Variants in CMPK1 observed in about 807,000 individuals in gnomAD.
CMPK1 encodes the protein UMP-CMP kinase.
Under a neutral mutation model 25.7 loss-of-function variants are expected in CMPK1, and 10 were observed. That is an observed-to-expected ratio of 0.39 (90% confidence interval 0.24 to 0.66). The LOEUF is 0.66. Ranked by LOEUF, CMPK1 falls within the 30% of genes least tolerant of loss-of-function variation. The pLI, the probability that CMPK1 is intolerant of heterozygous loss-of-function variation, is 0.48. For missense variants in CMPK1, 199 were observed against 280.5 expected, an observed-to-expected ratio of 0.71 and a Z score of 2.08; for synonymous variants, 106 against 101.5, an observed-to-expected ratio of 1.04 and a Z score of -0.27.
rs536172148 is a variant in CMPK1, at chr1:47,374,795, T to C, written c.472-114T>C. ...CATGTTGATTAATGAATTAGACACA[T>C]TGGGTTTATTGCAGGGTTTTTTTGG... On this transcript the variant is annotated intron_variant, in intron 3 of 5. Transcript: ENST00000371873. 7.4e-5 allele frequency: 48 copies of C among 650,528 alleles called. 2 individuals are homozygous for C. In the South Asian group the frequency reaches 9.3e-4, roughly 13 times the overall value. The allele number at this position is 650,528 out of a possible 1,614,324, so 40.3% of individuals were successfully genotyped here.
intron 1 of CMPK1, among the ~76,000 whole-genome samples, chr1:47,348,406 A>G (rs1646499941): frequency 6.6e-6 from 1 of 151,888 alleles, no homozygotes; most frequent in Non-Finnish European, 1.5e-5. Context: ...TACAGACTAA[A>G]CATGTGATAA....
chr1:47,364,775 T>A (rs1163126704), intron 1 of CMPK1, among the ~76,000 whole-genome samples: 2 of 150,946 alleles, frequency 1.3e-5, no homozygotes, highest in Non-Finnish European at 2.9e-5. Context: ...TATATATGTT[T>A]TGTTTTGTTT....
chr1:47,346,303 C>A (rs1646483562), intron 1 of CMPK1, among the ~76,000 whole-genome samples: 1 of 151,602 alleles, frequency 6.6e-6, no homozygotes, highest in African/African-American at 2.4e-5. Flanking sequence ...CAGCCTCAGC[C>A]TCCCAAAGTG....
chr1:47,350,469 C>T (rs1207812668), intron 1 of CMPK1, among the ~76,000 whole-genome samples: 2 of 152,054 alleles, frequency 1.3e-5, no homozygotes, highest in Non-Finnish European at 2.9e-5. Flanking sequence ...CTAGGCTGGT[C>T]TTGAACTCTT....
chr1:47,362,187 G>A (rs1470813380), intron 1 of CMPK1, among the ~76,000 whole-genome samples: 1 of 44,604 alleles, frequency 2.2e-5, no homozygotes, highest in Non-Finnish European at 3.9e-5. Flanking sequence ...TTTTTTTTTC[G>A]AGACGGAGTT....
intron 1 of CMPK1, among the ~76,000 whole-genome samples, chr1:47,340,003 C>T (rs955029215): frequency 3.3e-5 from 5 of 151,098 alleles, no homozygotes; most frequent in South Asian, 4.2e-4. Flanking sequence ...CCACCGCATC[C>T]GGCTGCCCTC....
At position 47,373,112 on chromosome 1, in the gene CMPK1, T is replaced by C; in HGVS notation, c.471+5T>C. On this transcript the variant is annotated splice_donor_5th_base_variant and intron_variant, in intron 3 of 5. Transcript: ENST00000371873. ...TTTTTTGACTGTAATAATGAGGTAA[T>C]GAAAATCTTCATCTGCCCACATAGG... is the stretch of plus-strand genomic sequence containing the variant. The C allele has an allele frequency of 6.2e-7, 1 of 1,600,424 alleles. No individual in the cohort carries two copies. Among genetic ancestry groups the C allele is most frequent in the East Asian group, 2.2e-5 (1 of 44,660 alleles).
chr1:47,375,494 T>C (rs926616694), intron 5 of CMPK1, among the ~76,000 whole-genome samples: 2 of 118,536 alleles, frequency 1.7e-5, no homozygotes, highest in Non-Finnish European at 4.1e-5. Flanking sequence ...GGACTCTGTC[T>C]CTTAAAAAAA....
chr1:47,343,353 T>C (rs1347014782), intron 1 of CMPK1, among the ~76,000 whole-genome samples: 1 of 164 alleles, frequency 6.1e-3, no homozygotes, highest in Non-Finnish European at 0.016. Flanking sequence ...ATCCCAGCAT[T>C]TTGGGAGCCA....
Position 47,363,802 on chromosome 1 carries a change from G to A in CMPK1, c.172-4667G>A, listed in dbSNP as rs538641792. Among the ~76,000 whole-genome samples the A allele has an allele frequency of 1.4e-4, 21 of 151,742 alleles. No homozygotes were observed. The East Asian group carries it at 3.7e-3, about 27-fold the overall frequency. On this transcript the variant is annotated intron_variant, in intron 1 of 5. Coordinates refer to ENST00000371873, the MANE Select transcript of CMPK1 (RefSeq NM_016308.3). ...TGCTAAAAATACAAATATTAGCCAG[G>A]TGTGGTGGCGGGCACCTATAGTCCC...
At position 47,374,425 on chromosome 1, in the gene CMPK1, A is replaced by G. The variant is rs533598313; in HGVS notation, c.472-484A>G. Among the ~76,000 whole-genome samples, 10 of 152,304 alleles carry G rather than the reference A, an allele frequency of 6.6e-5. No individual in the cohort carries two copies. The South Asian group carries it at 1.4e-3, about 22-fold the overall frequency. Reference sequence around the variant, plus strand: ...AAAATATGTTTTCATTTACCCTTCAAAGTTAACTTTAGAATGTTACCACAG... The same window carrying G: ...AAAATATGTTTTCATTTACCCTTCAGAGTTAACTTTAGAATGTTACCACAG... On this transcript the variant is annotated intron_variant, in intron 3 of 5. Transcript: ENST00000371873.
intron 1 of CMPK1, among the ~76,000 whole-genome samples, chr1:47,337,480 A>T (rs1362925095): frequency 1.3e-5 from 2 of 152,170 alleles, no homozygotes; most frequent in East Asian, 3.8e-4. Flanking sequence ...TTAAACTGTT[A>T]TCTTCTTTAA....
intron 3 of CMPK1, 172 bp downstream of exon 3, chr1:47,373,279 T>C: frequency 2.2e-6 from 1 of 457,720 alleles, no homozygotes; most frequent in Non-Finnish European, 3.6e-6. Context: ...AAAAACTATT[T>C]GGCATTAGCA....
chr1:47,354,652 C>T (rs116747852), intron 1 of CMPK1, among the ~76,000 whole-genome samples: 1,823 of 124,388 alleles, frequency 0.015, 41 homozygotes, highest in African/African-American at 0.053. Flanking sequence ...CGTTCCATAT[C>T]GGAACATACA....
intron 3 of CMPK1, among the ~76,000 whole-genome samples, chr1:47,373,702 A>G (rs1016293933): frequency 6.6e-6 from 1 of 152,066 alleles, no homozygotes; most frequent in Admixed American, 6.6e-5. Context: ...AGGCTGAGGC[A>G]GGAGAATTGC....
intron 1 of CMPK1, among the ~76,000 whole-genome samples, chr1:47,336,203 T>C (rs965985564): frequency 2.4e-4 from 36 of 152,164 alleles, no homozygotes; most frequent in African/African-American, 8.7e-4. Context: ...TTTTGTTTAG[T>C]ATATGTGATC....
intron 1 of CMPK1, among the ~76,000 whole-genome samples, chr1:47,345,028 T>C (rs540206171): frequency 6.6e-6 from 1 of 151,886 alleles, no homozygotes; most frequent in East Asian, 1.9e-4. Flanking sequence ...GCGATTCTCC[T>C]GCCTCAGCCT....
At chr1:47,371,242 C>T (rs2149334332) in intron 2 of CMPK1, among the ~76,000 whole-genome samples, 1 of 152,266 alleles carries the variant, frequency 6.6e-6, no homozygotes, top group African/African-American at 2.4e-5. Context: ...TTGGAGTAAC[C>T]TGCTTCCATT....
chr1:47,372,054 C>G (rs1423181812), intron 2 of CMPK1, among the ~76,000 whole-genome samples: 1 of 151,618 alleles, frequency 6.6e-6, no homozygotes, highest in African/African-American at 2.4e-5. Flanking sequence ...CTGTTAGTCT[C>G]TTCTCTGTCA....
Sources: allele counts gnomAD v4.1 joint callset (sites outside exome capture counted in the v4.1 genomes callset), GRCh38; gene constraint gnomAD v4.1.1; transcripts MANE v1.5; gene names NCBI Gene and HGNC (gene_info 2026-07-23, HGNC 2026-07-21).